Variants in GLS observed in about 807,000 individuals in gnomAD.
GLS encodes the protein glutaminase.
GLS carries 36 observed loss-of-function variants against 86.7 expected under a neutral mutation model. The observed-to-expected ratio is 0.42, with a 90% confidence interval of 0.32 to 0.55. GLS has a LOEUF of 0.55. Ranked by LOEUF, GLS falls within the 20% of genes least tolerant of loss-of-function variation. The probability of loss-of-function intolerance (pLI) is 0.17; values close to 1 mark genes in which losing one functional copy is unlikely to be tolerated. For missense variants in GLS, 528 were observed against 833.4 expected, an observed-to-expected ratio of 0.63 and a Z score of 4.51; for synonymous variants, 317 against 305.9, an observed-to-expected ratio of 1.04 and a Z score of -0.38.
At chr2:190,942,374 C>A (rs1387069521) in intron 14 of GLS, among the ~76,000 whole-genome samples, 1 of 151,998 alleles carries the variant, frequency 6.6e-6, no homozygotes, top group Non-Finnish European at 1.5e-5. Context: ...GCCACCACAC[C>A]CGGCTGAAAC....
chr2:190,959,219 C>G (rs577152716), intron 17 of GLS, among the ~76,000 whole-genome samples: 1 of 150,358 alleles, frequency 6.7e-6, no homozygotes, highest in South Asian at 2.1e-4. Flanking sequence ...TCTGTTTTAT[C>G]AGAGACTAGC....
In GLS at chr2:190,881,067, G is replaced by C. The variant is rs776875141; in HGVS notation, c.-18G>C. 6.5e-7 allele frequency: 1 copy of C among 1,545,264 alleles called. No individual in the cohort carries two copies. On this transcript the variant is annotated 5_prime_UTR_variant, in exon 1 of 18. Coordinates refer to ENST00000320717, the MANE Select transcript of GLS (RefSeq NM_014905.5). ...GAGCATCCTCCCCTGTTGAGCGGGC[G>C]CTGACGGACCCGGCGGCATGATGCG...
rs929282798 is a variant in GLS, at chr2:190,953,813, C to G, written c.1712+187C>G. On this transcript the variant is annotated intron_variant, in intron 15 of 17. Coordinates refer to ENST00000320717, the MANE Select transcript of GLS (RefSeq NM_014905.5). The surrounding 1 kb of genome is among the most constrained non-coding windows in gnomAD (Gnocchi z 4.0). ...GCTTTCCAATCTTGTCCTTTTCTGC[C>G]TCCTATAAAAAAGACCATATCTCTG... Among the ~76,000 whole-genome samples, 1 of 152,088 alleles carries G rather than the reference C, an allele frequency of 6.6e-6. No homozygotes were observed. Among genetic ancestry groups the G allele is most frequent in the Admixed American group, 6.5e-5 (1 of 15,270 alleles).
At chr2:190,940,323 A>G (rs1026156863) in intron 14 of GLS, among the ~76,000 whole-genome samples, 1 of 152,050 alleles carries the variant, frequency 6.6e-6, no homozygotes, top group Non-Finnish European at 1.5e-5. Flanking sequence ...AACTTCATTG[A>G]CATCTGATGA....
chr2:190,905,196 AAAG>A lies in GLS; in HGVS notation c.979+32_979+34del. On this transcript the variant is annotated intron_variant, in intron 6 of 17. Coordinates refer to ENST00000320717, the MANE Select transcript of GLS (RefSeq NM_014905.5). The surrounding 1 kb of genome is among the most constrained non-coding windows in gnomAD (Gnocchi z 4.6). ...AGAATTACATAAACATTGGTTGAAA[AAAG>A]AAATGTCTCATTTTCCTATGTAAAT... is the stretch of plus-strand genomic sequence containing the variant. 1 of 1,336,590 alleles carries A rather than the reference AAAG, an allele frequency of 7.5e-7. No homozygotes were observed. Among genetic ancestry groups the A allele is most frequent in the Admixed American group, 2.0e-5 (1 of 49,808 alleles). 82.8% of individuals were successfully genotyped at this position (1,336,590 alleles called of 1,614,324 possible).
chr2:190,901,111 T>C (rs1004603590), intron 4 of GLS, among the ~76,000 whole-genome samples: 1 of 152,088 alleles, frequency 6.6e-6, no homozygotes, highest in African/African-American at 2.4e-5. Flanking sequence ...GTAGCTTTAG[T>C]ATAATCCAGT....
In GLS at chr2:190,905,380, T is replaced by G. The variant is rs1689097839; in HGVS notation, c.979+213T>G. On this transcript the variant is annotated intron_variant, in intron 6 of 17. Coordinates refer to ENST00000320717, the MANE Select transcript of GLS (RefSeq NM_014905.5). The surrounding 1 kb of genome is among the most constrained non-coding windows in gnomAD (Gnocchi z 4.6). ...GTGGGCTAGGGAGAACATGAACTTC[T>G]CTCTTCATAACCACCTTTAGGGAAA... 2.3e-6 allele frequency: 1 copy of G among 433,928 alleles called. No homozygotes were observed. The highest frequency in any genetic ancestry group is 4.1e-6 in the Non-Finnish European group (1 of 243,476). The allele number at this position is 433,928 out of a possible 1,614,324, so 26.9% of individuals were successfully genotyped here. A position where few individuals can be genotyped will look rare whatever the true frequency, so the allele number is the denominator to read the frequency against.
At chr2:190,923,786 G>T in intron 9 of GLS, 131 bp from the exon 10 acceptor site, 1 of 628,626 alleles carries the variant, frequency 1.6e-6, no homozygotes, top group Non-Finnish European at 2.8e-6. Context: ...TGACAGAATT[G>T]ATTGGAACTC....
chr2:190,932,712 C>G, intron 14 of GLS: 1 of 1,584,156 alleles, frequency 6.3e-7, no homozygotes, highest in Non-Finnish European at 8.6e-7. Flanking sequence ...GCTTGAACAA[C>G]TAGCATTCCT....
chr2:190,890,442 A>T (rs1688522070), intron 1 of GLS, among the ~76,000 whole-genome samples: 2 of 152,198 alleles, frequency 1.3e-5, no homozygotes, highest in Admixed American at 6.5e-5. Flanking sequence ...GTCCTTTTTT[A>T]GCAGTAAAGC....
At chr2:190,927,280 A>G in intron 11 of GLS, 26 bp from the exon 12 acceptor site, 1 of 1,551,144 alleles carries the variant, frequency 6.4e-7, no homozygotes, top group Non-Finnish European at 8.8e-7. Flanking sequence ...AAGTAGTATG[A>G]GAATTCTGCT....
chr2:190,926,859 A>T (rs1040743006), intron 11 of GLS: 2 of 153,206 alleles, frequency 1.3e-5, no homozygotes, highest in Admixed American at 6.5e-5. Context: ...GCACTGTAGC[A>T]TTTTTTTCTA....
rs182110166 is a variant in GLS at position 190,921,000 on chromosome 2, T to C, written c.1039-24T>C. 801 of 1,365,638 alleles carry C rather than the reference T, an allele frequency of 5.9e-4. 10 individuals are homozygous for C. The African/African-American group carries it at 0.01, about 17-fold the overall frequency. 84.6% of individuals were successfully genotyped at this position (1,365,638 alleles called of 1,614,324 possible). On this transcript the variant is annotated intron_variant, in intron 7 of 17. Coordinates refer to ENST00000320717, the MANE Select transcript of GLS (RefSeq NM_014905.5). This position sits in a 1 kb window ranked among gnomAD's most constrained non-coding sequence, Gnocchi z 4.2. ...CTGTAGTGGTACCTATATTAACGTA[T>C]TTATGTCTCTTATTTTTTTGCAGCA...
At chr2:190,892,387 TTTTCTC>T (rs1279992716) in intron 1 of GLS, among the ~76,000 whole-genome samples, 12 of 152,280 alleles carry the variant, frequency 7.9e-5, no homozygotes, top group Admixed American at 5.9e-4. Context: ...CATTTTATGT[TTTTCTC>T]TTCAGGGGAA....
chr2:190,892,771 T>A (rs969600003), intron 1 of GLS, among the ~76,000 whole-genome samples: 1 of 152,176 alleles, frequency 6.6e-6, no homozygotes, highest in South Asian at 2.1e-4. Flanking sequence ...GTAATTTCTT[T>A]TTATCAGTTT....
chr2:190,883,367 ATCCTTTC>A (rs754355608), intron 1 of GLS, among the ~76,000 whole-genome samples: 10 of 152,112 alleles, frequency 6.6e-5, no homozygotes, highest in Non-Finnish European at 1.2e-4. Flanking sequence ...TGATCCTGTT[ATCCTTTC>A]TAATGCTTAG....
At chr2:190,899,722 C>T (rs192186510) in intron 3 of GLS, among the ~76,000 whole-genome samples, 1 of 152,120 alleles carries the variant, frequency 6.6e-6, no homozygotes, top group East Asian at 1.9e-4. Flanking sequence ...AATCCATTTG[C>T]AAAACGTTTT....
At chr2:190,948,211 C>A (rs1239672884) in intron 14 of GLS, among the ~76,000 whole-genome samples, 6 of 152,162 alleles carry the variant, frequency 3.9e-5, no homozygotes, top group African/African-American at 1.2e-4. Flanking sequence ...AGCTCCATAG[C>A]TAGCCTTTTG....
In GLS at chr2:190,897,860, A is replaced by T. The variant is rs1293649026; in HGVS notation, c.605+2135A>T. Among the ~76,000 whole-genome samples the T allele has an allele frequency of 1.3e-5, 2 of 152,132 alleles. No homozygotes were observed. The highest frequency in any genetic ancestry group is 4.8e-5 in the African/African-American group (2 of 41,438). On this transcript the variant is annotated intron_variant, in intron 3 of 17. Transcript: ENST00000320717. The surrounding 1 kb of genome is among the most constrained non-coding windows in gnomAD (Gnocchi z 4.3). ...TACCTAAAATACATTGTAGATTAATATTTTTAGACTTTTTCGGTAATCTGA... is the reference window on the plus strand; with the variant it reads ...TACCTAAAATACATTGTAGATTAATTTTTTTAGACTTTTTCGGTAATCTGA...
Sources: gnomAD v4.1 joint callset for allele counts (sites outside exome capture counted in the v4.1 genomes callset) on GRCh38, gnomAD v4.1.1 for gene constraint, Gnocchi (gnomAD v3.1) non-coding constraint, MANE v1.5 for transcripts, NCBI Gene and HGNC (gene_info 2026-07-23, HGNC 2026-07-21) for gene names.